BEND2: variants seen among roughly 807,000 people sequenced by gnomAD.
BEND2 encodes BEN domain-containing protein 2.
BEND2 carries 19 observed loss-of-function variants against 43.8 expected under a neutral mutation model. The ratio of observed to expected loss-of-function variants is 0.43; its 90% CI spans 0.30 to 0.64. BEND2 has a LOEUF of 0.64. Among genes scored for constraint, BEND2 ranks in the 30% least tolerant of loss-of-function variants. The probability of loss-of-function intolerance (pLI) is 0.11; values close to 1 mark genes in which losing one functional copy is unlikely to be tolerated. For missense variants in BEND2, 544 were observed against 574.0 expected (o/e 0.95, Z 0.53); for synonymous variants, 226 against 210.1 (o/e 1.08, Z -0.66).
intron 6 of BEND2, among the ~76,000 whole-genome samples, chrX:18,199,075 A>G: frequency 1.3e-5 from 1 of 78,915 alleles, no homozygotes; most frequent in Non-Finnish European, 2.4e-5. Flanking sequence ...GGGGGGAGGG[A>G]TAGCATCAGG....
chrX:18,213,198 AT>A (rs754932465), intron 3 of BEND2, among the ~76,000 whole-genome samples: 1 of 112,240 alleles, frequency 8.9e-6, no homozygotes, highest in East Asian at 2.8e-4. Flanking sequence ...GCCTTATTAA[AT>A]TTTATATTAA....
Position 18,203,808 on chromosome X carries a change from T to G in BEND2, c.600A>C (p.Ala200=). 1.7e-6 allele frequency: 2 copies of G among 1,211,138 alleles called. No individual in the cohort carries two copies. Among genetic ancestry groups the G allele is most frequent in the South Asian group, 3.5e-5 (2 of 57,002 alleles). Residue 200 remains alanine (A), a synonymous_variant, in exon 5 of 14, where the codon GCA becomes GCC. Transcript: ENST00000380033. ...GATATGATAAACTCTCACTGAGGTC[T>G]GCTTCCTGCAGTTCATGACATGCTG... is the stretch of plus-strand genomic sequence containing the variant. ...ESAACHELQE[A]DLSESLSYPR... is the part of the protein sequence containing the mutation.
In BEND2 at chrX:18,194,371, A is replaced by G. The variant is rs781265085; in HGVS notation, c.1180+925T>C. Among the ~76,000 whole-genome samples, 55 of 111,110 alleles carry G rather than the reference A, an allele frequency of 5.0e-4. No individual in the cohort carries two copies. The Middle Eastern group carries it at 0.018, about 37-fold the overall frequency. ...CTTTACTTGCATTATCCAAAAATTG[A>G]AAGAAAAAACCAGATGTCCTTCAAT... On this transcript the variant is annotated intron_variant, in intron 7 of 13. Transcript: ENST00000380033.
chrX:18,173,044 T>C (rs1244347104), intron 12 of BEND2, among the ~76,000 whole-genome samples: 1 of 111,653 alleles, frequency 9.0e-6, no homozygotes, highest in Admixed American at 9.5e-5. Flanking sequence ...GGGAGCTTTT[T>C]TCCCCCTCTT....
At chrX:18,207,049 G>T (rs988955801) in intron 4 of BEND2, among the ~76,000 whole-genome samples, 1 of 110,895 alleles carries the variant, frequency 9.0e-6, no homozygotes, top group African/African-American at 3.3e-5. Flanking sequence ...CAGTGTGCAG[G>T]CTTGCTGAGG....
intron 11 of BEND2, 103 bp from the exon 12 acceptor site, chrX:18,174,361 T>A: frequency 1.4e-6 from 1 of 698,609 alleles, no homozygotes; most frequent in Non-Finnish European, 2.1e-6. Flanking sequence ...GGGAAGCAAC[T>A]GACTCTTTAA....
At chrX:18,191,836 T>A (rs891528436) in intron 7 of BEND2, among the ~76,000 whole-genome samples, 1 of 112,137 alleles carries the variant, frequency 8.9e-6, no homozygotes, top group Admixed American at 9.5e-5. Flanking sequence ...ATAATATCTG[T>A]AGAAGGTATC....
At chrX:18,212,993 G>A (rs1925560060) in intron 3 of BEND2, among the ~76,000 whole-genome samples, 1 of 111,627 alleles carries the variant, frequency 9.0e-6, no homozygotes, top group South Asian at 3.8e-4. Flanking sequence ...AACTGCTTTT[G>A]TAAAGGAGCC....
chrX:18,169,708 T>C (rs767366265), intron 13 of BEND2, among the ~76,000 whole-genome samples: 2 of 112,200 alleles, frequency 1.8e-5, no homozygotes, highest in Non-Finnish European at 3.8e-5. Flanking sequence ...CTGAAATAAC[T>C]CAAATGATTG....
chrX:18,171,008 A>G lies in BEND2; in HGVS notation c.2178T>C (p.Ala726=). ...LCALDPNKIS[A]LREFLQENYP... ...ACTCTATGTGTAACAAACCTCGGAGAGCACTAATCTTATTGGGGTCAAGGG... is the reference window on the plus strand; with the variant it reads ...ACTCTATGTGTAACAAACCTCGGAGGGCACTAATCTTATTGGGGTCAAGGG... The change falls in exon 13 of 14, where the codon GCT becomes GCC. Residue 726 remains alanine, a synonymous_variant. Coordinates refer to ENST00000380033, the MANE Select transcript of BEND2 (RefSeq NM_153346.5). 1 of 1,208,520 alleles carries G rather than the reference A, an allele frequency of 8.3e-7. No homozygotes were observed. Among genetic ancestry groups the G allele is most frequent in the Non-Finnish European group, 1.1e-6 (1 of 892,263 alleles).
At chrX:18,190,766 TCACACACA>T (rs1300015009) in intron 8 of BEND2, among the ~76,000 whole-genome samples, 1 of 93,008 alleles carries the variant, frequency 1.1e-5, no homozygotes, top group South Asian at 5.5e-4. Flanking sequence ...TCTCTCTCTC[TCACACACA>T]CACACACACA....
At chrX:18,183,177 T>C (rs979810820) in intron 8 of BEND2, among the ~76,000 whole-genome samples, 4 of 110,342 alleles carry the variant, frequency 3.6e-5, no homozygotes, top group African/African-American at 1.3e-4. Context: ...GAATATACAT[T>C]TTTTTTCAAA....
At chrX:18,177,464 G>A (rs1346935855) in intron 10 of BEND2, 105 bp downstream of exon 10, 7 of 855,821 alleles carry the variant, frequency 8.2e-6, no homozygotes, top group Non-Finnish European at 1.2e-5. Context: ...ATAGTTTTAA[G>A]ATTTACACAG....
At chrX:18,185,292 G>A (rs1924526985) in intron 8 of BEND2, among the ~76,000 whole-genome samples, 1 of 108,944 alleles carries the variant, frequency 9.2e-6, no homozygotes, top group African/African-American at 3.3e-5. Context: ...ACTTTGGGGG[G>A]CCAAGGCAGG....
chrX:18,180,463 T>C, intron 9 of BEND2, 47 bp downstream of exon 9: 2 of 1,196,501 alleles, frequency 1.7e-6, no homozygotes, highest in Non-Finnish European at 2.3e-6. Flanking sequence ...AGTGGAAGAA[T>C]GTAGCTCAAA....
chrX:18,218,202 A>G (rs1414408770), intron 1 of BEND2, among the ~76,000 whole-genome samples: 1 of 111,708 alleles, frequency 9.0e-6, no homozygotes, highest in Non-Finnish European at 1.9e-5. Context: ...AAATAAAGTT[A>G]AAGGGGAGAA....
intron 6 of BEND2, among the ~76,000 whole-genome samples, chrX:18,201,396 C>CA (rs1227049211): frequency 0.029 from 605 of 20,607 alleles, 38 homozygotes; most frequent in Middle Eastern, 0.083. Context: ...AACTCCATCT[C>CA]AAAAAAAAAA....
intron 7 of BEND2, 75 bp downstream of exon 7, chrX:18,195,221 C>A (rs986494402): frequency 9.6e-7 from 1 of 1,037,155 alleles, no homozygotes; most frequent in African/African-American, 1.9e-5. Context: ...AAAGCTACCA[C>A]TAAGAATTAA....
chrX:18,217,639 G>A (rs184280860), intron 1 of BEND2, among the ~76,000 whole-genome samples: 1 of 110,875 alleles, frequency 9.0e-6, no homozygotes, highest in African/African-American at 3.3e-5. Context: ...TTTTTTAAGA[G>A]TCACTCTGAA....
Sources: allele counts gnomAD v4.1 joint callset (sites outside exome capture counted in the v4.1 genomes callset), GRCh38; gene constraint gnomAD v4.1.1; transcripts MANE v1.5; gene names NCBI Gene and HGNC (gene_info 2026-07-23, HGNC 2026-07-21).